EYA1: variants seen among roughly 807,000 people sequenced by gnomAD.
The protein encoded by EYA1 is EYA transcriptional coactivator and phosphatase 1.
In EYA1, 16 loss-of-function variants were observed where a neutral mutation model predicts 82.0. The observed-to-expected ratio is 0.20, with a 90% CI of 0.13 to 0.30. EYA1 has a LOEUF of 0.30. Among genes scored for constraint, EYA1 ranks in the 10% least tolerant of loss-of-function variants. The probability of loss-of-function intolerance (pLI) is 1.00; values close to 1 mark genes in which losing one functional copy is unlikely to be tolerated. For missense variants in EYA1, 633 were observed against 730.7 expected, an observed-to-expected ratio of 0.87 and a Z score of 1.54; for synonymous variants, 261 against 264.4, an observed-to-expected ratio of 0.99 and a Z score of 0.12.
At chr8:71,382,853 C>T (rs10103172) in intron 2 of EYA1, among the ~76,000 whole-genome samples, 30,824 of 151,792 alleles carry the variant, frequency 0.2, 3,808 homozygotes, top group Middle Eastern at 0.28. Flanking sequence ...GATTCTATAA[C>T]GAATACATTT....
chr8:71,276,836 G>A (rs1817230854), intron 9 of EYA1, among the ~76,000 whole-genome samples: 1 of 152,148 alleles, frequency 6.6e-6, no homozygotes, highest in African/African-American at 2.4e-5. Flanking sequence ...CTTACTAGTA[G>A]TATTGCTTGC....
chr8:71,353,213 C>T (rs78465364), intron 3 of EYA1, among the ~76,000 whole-genome samples: 69 of 152,320 alleles, frequency 4.5e-4, no homozygotes, highest in African/African-American at 1.6e-3. Context: ...CTGCATGAGG[C>T]CTGCCGGCGC....
intron 2 of EYA1, 52 bp from the exon 3 acceptor site, chr8:71,354,961 C>T: frequency 1.3e-6 from 2 of 1,577,582 alleles, no homozygotes; most frequent in African/African-American, 1.3e-5. Context: ...CATAACACCA[C>T]CATTTAATGC....
intron 2 of EYA1, among the ~76,000 whole-genome samples, chr8:71,463,321 C>G: frequency 6.6e-6 from 1 of 152,098 alleles, no homozygotes; most frequent in East Asian, 1.9e-4. Context: ...AATGTGTTCC[C>G]CTCCAGAATT....
chr8:71,466,914 A>G (rs548820942), intron 2 of EYA1, among the ~76,000 whole-genome samples: 1 of 152,258 alleles, frequency 6.6e-6, no homozygotes, highest in East Asian at 1.9e-4. Context: ...TGTAAATTTT[A>G]AAGTGACTTT....
At chr8:71,546,832 C>T (rs549187151) in intron 1 of EYA1, among the ~76,000 whole-genome samples, 3 of 152,126 alleles carry the variant, frequency 2.0e-5, no homozygotes, top group Non-Finnish European at 2.9e-5. Context: ...AATCAATTCA[C>T]GCTTCATGAC....
At chr8:71,233,816 T>C (rs2128886024) in intron 12 of EYA1, among the ~76,000 whole-genome samples, 1 of 152,284 alleles carries the variant, frequency 6.6e-6, no homozygotes, top group South Asian at 2.1e-4. Flanking sequence ...CTTTTCTAAA[T>C]AATAAAGGTA....
chr8:71,277,588 A>G (rs1166379808), intron 9 of EYA1, among the ~76,000 whole-genome samples: 4 of 152,130 alleles, frequency 2.6e-5, no homozygotes, highest in African/African-American at 9.7e-5. Flanking sequence ...TCTTATCTCT[A>G]TTATAGGATT....
At chr8:71,208,154 C>T (rs150999922) in intron 17 of EYA1, among the ~76,000 whole-genome samples, 2,218 of 151,268 alleles carry the variant, frequency 0.015, 33 homozygotes, top group African/African-American at 0.038. Flanking sequence ...TAAAACTGGC[C>T]GGGCACAGTG....
At chr8:71,240,404 T>G (rs1388314305) in intron 12 of EYA1, among the ~76,000 whole-genome samples, 4 of 152,138 alleles carry the variant, frequency 2.6e-5, no homozygotes, top group Non-Finnish European at 4.4e-5. Flanking sequence ...ATGCAAAGAA[T>G]GCTCTGGTCT....
intron 9 of EYA1, among the ~76,000 whole-genome samples, chr8:71,280,646 G>A (rs981060463): frequency 6.6e-6 from 1 of 152,234 alleles, no homozygotes; most frequent in Non-Finnish European, 1.5e-5. Flanking sequence ...GAATGCCACT[G>A]AAACCAAATG....
Position 71,346,452 on chromosome 8 carries a change from ATATC to A in EYA1, c.124+8326_124+8329del, listed in dbSNP as rs1554561646. ...AGTGAATATATATATATATATATAT[ATATC>A]TATATATATCCTTCTCCCTGCAGTT... On this transcript the variant is annotated intron_variant, in intron 3 of 17. Coordinates refer to ENST00000340726, the MANE Select transcript of EYA1 (RefSeq NM_000503.6). Among the ~76,000 whole-genome samples, 37 of 134,630 alleles carry A rather than the reference ATATC, an allele frequency of 2.7e-4. 1 individual carries two copies. Among genetic ancestry groups the A allele is most frequent in the South Asian group, 1.4e-3 (6 of 4,360 alleles). The allele number at this position is 134,630 out of a possible 152,430, so 88.3% of individuals were successfully genotyped here.
chr8:71,219,441 C>T (rs1049725827), intron 12 of EYA1, among the ~76,000 whole-genome samples: 1 of 152,172 alleles, frequency 6.6e-6, no homozygotes, highest in African/African-American at 2.4e-5. Context: ...AAAAAAAAAT[C>T]ATTAAAATGT....
At chr8:71,477,418 C>A (rs2129207778) in intron 2 of EYA1, among the ~76,000 whole-genome samples, 1 of 152,018 alleles carries the variant, frequency 6.6e-6, no homozygotes, top group African/African-American at 2.4e-5. Context: ...GTTTGTGTAG[C>A]CATTTTTCTA....
chr8:71,226,335 G>T (rs952892567), intron 12 of EYA1, among the ~76,000 whole-genome samples: 3 of 151,972 alleles, frequency 2.0e-5, no homozygotes, highest in Non-Finnish European at 2.9e-5. Context: ...CATGAAGATA[G>T]CTCCTTCTTA....
chr8:71,505,897 G>T (rs1812158518), intron 2 of EYA1, among the ~76,000 whole-genome samples: 1 of 152,108 alleles, frequency 6.6e-6, no homozygotes, highest in Non-Finnish European at 1.5e-5. Context: ...GATAATGGGG[G>T]TGGTTTCCCC....
chr8:71,489,013 T>C (rs1043535365), intron 2 of EYA1, among the ~76,000 whole-genome samples: 8 of 152,236 alleles, frequency 5.3e-5, no homozygotes, highest in Non-Finnish European at 1.2e-4. Flanking sequence ...TTTGAGGACA[T>C]TTTCTACCAT....
At chr8:71,473,820 A>C (rs1454114972) in intron 2 of EYA1, among the ~76,000 whole-genome samples, 2 of 152,208 alleles carry the variant, frequency 1.3e-5, no homozygotes, top group Admixed American at 6.5e-5. Flanking sequence ...TCAATGATAG[A>C]CTGGATAAAG....
rs28635429 is a variant in EYA1, at chr8:71,233,340, A to G, written c.1140+11263T>C. ...AGCACTTTGGGAGGCCAAGGCGGGC[A>G]GATCACGAGGTCAGGAGATCGAGAC... On this transcript the variant is annotated intron_variant, in intron 12 of 17. Coordinates refer to ENST00000340726, the MANE Select transcript of EYA1 (RefSeq NM_000503.6). Among the ~76,000 whole-genome samples the G allele has an allele frequency of 6.4e-3, 975 of 152,190 alleles. 6 individuals carry two copies. Among genetic ancestry groups the G allele is most frequent in the African/African-American group, 0.011 (438 of 41,556 alleles).
Sources: gnomAD v4.1 joint callset for allele counts (sites outside exome capture counted in the v4.1 genomes callset) on GRCh38, gnomAD v4.1.1 for gene constraint, MANE v1.5 for transcripts, NCBI Gene and HGNC (gene_info 2026-07-23, HGNC 2026-07-21) for gene names.